Variants in SPATA6 observed in about 807,000 individuals in gnomAD.
SPATA6 encodes the protein spermatogenesis-associated protein 6.
Under a neutral mutation model 65.3 loss-of-function variants are expected in SPATA6, and 56 were observed. That is an observed-to-expected ratio of 0.86 (90% CI 0.69 to 1.07). The LOEUF (loss-of-function observed/expected upper bound fraction) is 1.07, where lower values mean the gene tolerates loss of function less well. Ranked by LOEUF, SPATA6 falls within the 50% of genes least tolerant of loss-of-function variation. The pLI is 0.00. For missense variants in SPATA6, 590 were observed against 594.8 expected, an observed-to-expected ratio of 0.99 and a Z score of 0.08; for synonymous variants, 199 against 213.2, an observed-to-expected ratio of 0.93 and a Z score of 0.58.
chr1:48,279,594 C>T, the SPATA6 span, among the ~76,000 whole-genome samples: 1 of 152,118 alleles, frequency 6.6e-6, no homozygotes, highest in African/African-American at 2.4e-5. Context: ...AAGCCCATTA[C>T]ATAATGGTAA....
intron 11 of SPATA6, 38 bp downstream of exon 11, chr1:48,355,632 T>C (rs776618326): frequency 3.4e-6 from 5 of 1,468,930 alleles, no homozygotes; most frequent in Non-Finnish European, 4.7e-6. Context: ...TCTTGACCTA[T>C]TATAAATAGT....
In SPATA6 at chr1:48,298,456, C is replaced by T. The variant is rs949042247; in HGVS notation, c.*257G>A. 6.4e-6 allele frequency: 2 copies of T among 314,792 alleles called. No homozygotes were observed. The highest frequency in any genetic ancestry group is 1.2e-5 in the Non-Finnish European group (2 of 173,320). The allele number at this position is 314,792 out of a possible 1,614,324, so 19.5% of individuals were successfully genotyped here. A position where few individuals can be genotyped will look rare whatever the true frequency, so the allele number is the denominator to read the frequency against. On this transcript the variant is annotated 3_prime_UTR_variant, in exon 13 of 13. Coordinates refer to ENST00000371847, the MANE Select transcript of SPATA6 (RefSeq NM_019073.4). ...ATGAGGTGTACATGTAACAGAATATCCTTGTCACATATTGGAAGTTGTGAT... is the reference window on the plus strand; with the variant it reads ...ATGAGGTGTACATGTAACAGAATATTCTTGTCACATATTGGAAGTTGTGAT...
chr1:48,405,586 C>T (rs1259640857), intron 5 of SPATA6, among the ~76,000 whole-genome samples: 1 of 152,148 alleles, frequency 6.6e-6, no homozygotes, highest in African/African-American at 2.4e-5. Flanking sequence ...CATTCAGCAA[C>T]TCATAAACCT....
chr1:48,341,125 A>C (rs1470222243), intron 11 of SPATA6, among the ~76,000 whole-genome samples: 8 of 152,176 alleles, frequency 5.3e-5, no homozygotes, highest in Admixed American at 5.2e-4. Flanking sequence ...TAGAATTCTT[A>C]AACACTGATA....
At chr1:48,419,123 T>G (rs1410199054) in intron 3 of SPATA6, among the ~76,000 whole-genome samples, 2 of 152,212 alleles carry the variant, frequency 1.3e-5, no homozygotes, top group Non-Finnish European at 2.9e-5. Flanking sequence ...TTTACTACCA[T>G]TTAAACAGTA....
At chr1:48,265,886 T>C in the SPATA6 span, among the ~76,000 whole-genome samples, 34 of 152,298 alleles carry the variant, frequency 2.2e-4, no homozygotes, top group East Asian at 6.2e-3. Flanking sequence ...CCTAAATAGA[T>C]TAATATTAGA....
chr1:48,385,494 A>G (rs997409748), intron 8 of SPATA6, 145 bp from the exon 9 acceptor site: 2 of 557,984 alleles, frequency 3.6e-6, no homozygotes, highest in African/African-American at 3.9e-5. Flanking sequence ...ATCAGAAAGG[A>G]TAATAATCCA....
intron 11 of SPATA6, among the ~76,000 whole-genome samples, chr1:48,345,342 A>G (rs1401107987): frequency 1.3e-5 from 2 of 152,186 alleles, no homozygotes; most frequent in East Asian, 1.9e-4. Context: ...CAGCTAAGGC[A>G]GTGTTAATAG....
intron 8 of SPATA6, among the ~76,000 whole-genome samples, chr1:48,393,620 T>C (rs544690799): frequency 1.3e-5 from 2 of 152,154 alleles, no homozygotes; most frequent in Non-Finnish European, 2.9e-5. Context: ...GTTAATCACA[T>C]AAAATATTGT....
the SPATA6 span, chr1:48,262,391 G>C: frequency 6.6e-6 from 1 of 152,050 alleles, no homozygotes; most frequent in African/African-American, 2.4e-5. Context: ...AAGAGTTCTG[G>C]TACAAACAAA....
At chr1:48,278,648 A>C in the SPATA6 span, among the ~76,000 whole-genome samples, 1 of 152,212 alleles carries the variant, frequency 6.6e-6, no homozygotes, top group Non-Finnish European at 1.5e-5. Context: ...AACAAAAAGA[A>C]ATGAACAAAG....
intron 11 of SPATA6, among the ~76,000 whole-genome samples, chr1:48,340,325 A>G (rs1345602401): frequency 6.6e-6 from 1 of 151,102 alleles, no homozygotes; most frequent in Non-Finnish European, 1.5e-5. Flanking sequence ...AACAGAATCC[A>G]AAAACAAAGA....
chr1:48,340,791 C>A (rs1198893019), intron 11 of SPATA6, among the ~76,000 whole-genome samples: 1 of 151,818 alleles, frequency 6.6e-6, no homozygotes, highest in African/African-American at 2.4e-5. Flanking sequence ...TATAGGGATA[C>A]AAGAAGGGTG....
At chr1:48,439,638 G>C (rs1045581231) in intron 3 of SPATA6, among the ~76,000 whole-genome samples, 4 of 152,062 alleles carry the variant, frequency 2.6e-5, no homozygotes, top group African/African-American at 9.7e-5. Flanking sequence ...TGGGCAAGAG[G>C]GGAAAACAAA....
chr1:48,343,037 C>T (rs1235801288), intron 11 of SPATA6, among the ~76,000 whole-genome samples: 1 of 152,100 alleles, frequency 6.6e-6, no homozygotes, highest in African/African-American at 2.4e-5. Context: ...AAACAGGAGG[C>T]ATCTAATAAA....
the SPATA6 span, among the ~76,000 whole-genome samples, chr1:48,275,549 AG>A: frequency 1.3e-5 from 2 of 152,326 alleles, no homozygotes; most frequent in South Asian, 4.1e-4. Context: ...TTTAGCAAGA[AG>A]GGGTGCTGAA....
downstream of SPATA6, among the ~76,000 whole-genome samples, chr1:48,293,411 C>G (rs958630365): frequency 2.6e-5 from 4 of 152,170 alleles, no homozygotes; most frequent in Non-Finnish European, 4.4e-5. Context: ...CTCTACTATG[C>G]TGCCGCAGCT....
chr1:48,340,616 C>A (rs1646188791), intron 11 of SPATA6, among the ~76,000 whole-genome samples: 1 of 151,432 alleles, frequency 6.6e-6, no homozygotes, highest in Non-Finnish European at 1.5e-5. Flanking sequence ...ACAAAACTAT[C>A]TTATTGTCAA....
the SPATA6 span, among the ~76,000 whole-genome samples, chr1:48,279,715 T>A: frequency 6.6e-6 from 1 of 152,074 alleles, no homozygotes; most frequent in Non-Finnish European, 1.5e-5. Context: ...AGACTTAGAC[T>A]CCCACACAAT....
Sources: gnomAD v4.1 joint callset for allele counts (sites outside exome capture counted in the v4.1 genomes callset) on GRCh38, gnomAD v4.1.1 for gene constraint, MANE v1.5 for transcripts, NCBI Gene and HGNC (gene_info 2026-07-23, HGNC 2026-07-21) for gene names.